The following SPAG16 variants were observed in gnomAD, a reference collection of about 807,000 sequenced individuals.
The protein encoded by SPAG16 is sperm associated antigen 16.
In SPAG16, 86 loss-of-function variants were observed where a neutral mutation model predicts 80.4. The ratio of observed to expected loss-of-function variants is 1.07; its 90% CI spans 0.90 to 1.28. SPAG16 has a LOEUF of 1.28. Among genes scored for constraint, SPAG16 ranks in the 50% most tolerant of loss-of-function variants. The probability of loss-of-function intolerance (pLI) is 0.00; values close to 1 mark genes in which losing one functional copy is unlikely to be tolerated. For missense variants in SPAG16, 870 were observed against 765.3 expected, an observed-to-expected ratio of 1.14 and a Z score of -1.61; for synonymous variants, 294 against 265.9, an observed-to-expected ratio of 1.11 and a Z score of -1.03.
intron 9 of SPAG16, among the ~76,000 whole-genome samples, chr2:213,484,999 CT>C (rs555509262): frequency 9.6e-4 from 139 of 144,940 alleles, no homozygotes; most frequent in Admixed American, 1.4e-3. Flanking sequence ...TTTTTCTTTT[CT>C]TTTTTTTTTT....
intron 10 of SPAG16, among the ~76,000 whole-genome samples, chr2:213,572,933 T>G (rs961333928): frequency 2.6e-5 from 4 of 152,196 alleles, no homozygotes; most frequent in Non-Finnish European, 5.9e-5. Context: ...TGGGATGTAA[T>G]CTCATGGTTC....
At chr2:214,353,049 C>T (rs1698529070) in intron 15 of SPAG16, among the ~76,000 whole-genome samples, 3 of 152,010 alleles carry the variant, frequency 2.0e-5, no homozygotes, top group South Asian at 2.1e-4. Context: ...ACTTGCTGCC[C>T]TTTCTACTTG....
At chr2:213,553,656 G>T (rs557341057) in intron 10 of SPAG16, among the ~76,000 whole-genome samples, 1 of 152,060 alleles carries the variant, frequency 6.6e-6, no homozygotes, top group Admixed American at 6.6e-5. Flanking sequence ...GCTACTTCAC[G>T]AGTGACCATA....
At chr2:213,983,921 C>T (rs9283527) in intron 12 of SPAG16, among the ~76,000 whole-genome samples, 68,239 of 151,648 alleles carry the variant, frequency 0.45, 16,096 homozygotes, top group South Asian at 0.66. Context: ...GCATGCAAGT[C>T]ATTATAAATT....
intron 15 of SPAG16, among the ~76,000 whole-genome samples, chr2:214,316,031 A>C (rs1695670300): frequency 6.6e-6 from 1 of 152,132 alleles, no homozygotes; most frequent in Non-Finnish European, 1.5e-5. Context: ...ATGAAGGATT[A>C]ATAGAGAAGA....
intron 14 of SPAG16, among the ~76,000 whole-genome samples, chr2:214,134,520 G>A (rs952664175): frequency 1.3e-5 from 2 of 152,076 alleles, no homozygotes; most frequent in South Asian, 2.1e-4. Context: ...TGCCCGTTCC[G>A]TGAGGCTTGT....
chr2:213,377,114 C>G lies in SPAG16; in HGVS notation c.942+1995C>G, dbSNP rs955264241. Among the ~76,000 whole-genome samples the G allele has an allele frequency of 1.2e-4, 18 of 152,168 alleles. 1 individual carries two copies. Among genetic ancestry groups the G allele is most frequent in the African/African-American group, 3.9e-4 (16 of 41,452 alleles). On this transcript the variant is annotated intron_variant, in intron 9 of 15. Transcript: ENST00000331683. Reference sequence around the variant, plus strand: ...TGAAATATTCTTGTTCTACCTTACACTGAGTTGATATTTTGCTGGAATTAG... The same window carrying G: ...TGAAATATTCTTGTTCTACCTTACAGTGAGTTGATATTTTGCTGGAATTAG...
intron 10 of SPAG16, among the ~76,000 whole-genome samples, chr2:213,606,142 G>A (rs2161820): frequency 0.41 from 62,142 of 151,988 alleles, 13,241 homozygotes; most frequent in Middle Eastern, 0.51. Flanking sequence ...GGGTGTTAGT[G>A]ATTTATTCCT....
intron 13 of SPAG16, among the ~76,000 whole-genome samples, chr2:214,107,852 C>T (rs1327886425): frequency 1.3e-5 from 2 of 152,146 alleles, no homozygotes. Flanking sequence ...AAAATAACAG[C>T]TTTCTAATAA....
chr2:213,833,407 GTGTA>G (rs1230215047), intron 10 of SPAG16, among the ~76,000 whole-genome samples: 4 of 94,230 alleles, frequency 4.2e-5, no homozygotes, highest in African/African-American at 1.7e-4. Context: ...GTGAATGTGT[GTGTA>G]TGTATGTATG....
At chr2:214,059,073 A>G (rs2050093395) in intron 13 of SPAG16, among the ~76,000 whole-genome samples, 1 of 151,360 alleles carries the variant, frequency 6.6e-6, no homozygotes, top group Non-Finnish European at 1.5e-5. Context: ...CTTGCTCGGG[A>G]GGCTGAGGCA....
At chr2:213,780,906 G>GTATACATTACCAC (rs1235701171) in intron 10 of SPAG16, among the ~76,000 whole-genome samples, 1 of 152,022 alleles carries the variant, frequency 6.6e-6, no homozygotes, top group Non-Finnish European at 1.5e-5. Context: ...ATTTCTAATA[G>GTATACATTACCAC]TATACATTAC....
chr2:213,616,905 T>C (rs2061614619), intron 10 of SPAG16, among the ~76,000 whole-genome samples: 1 of 151,994 alleles, frequency 6.6e-6, no homozygotes, highest in Non-Finnish European at 1.5e-5. Context: ...AGGAATGGAG[T>C]TACCTTGGGG....
At chr2:213,313,565 A>G (rs193176789) in intron 4 of SPAG16, among the ~76,000 whole-genome samples, 14 of 151,956 alleles carry the variant, frequency 9.2e-5, no homozygotes, top group Admixed American at 7.9e-4. Flanking sequence ...CCTAGGACAT[A>G]CTGATCTTAA....
At chr2:213,608,331 C>G (rs552943947) in intron 10 of SPAG16, among the ~76,000 whole-genome samples, 9 of 152,228 alleles carry the variant, frequency 5.9e-5, no homozygotes, top group African/African-American at 1.9e-4. Context: ...CTCCTCCCCC[C>G]ACCCCACAAC....
intron 13 of SPAG16, among the ~76,000 whole-genome samples, chr2:214,061,513 G>A (rs1031999706): frequency 6.6e-6 from 1 of 152,128 alleles, no homozygotes; most frequent in Non-Finnish European, 1.5e-5. Context: ...GGTTGATATT[G>A]CAGTTCAAGT....
At chr2:213,859,170 C>A (rs2075305728) in intron 10 of SPAG16, among the ~76,000 whole-genome samples, 1 of 75,218 alleles carries the variant, frequency 1.3e-5, no homozygotes, top group South Asian at 5.4e-4. Context: ...CAGAGCGACA[C>A]TCCGTCTCAA....
At chr2:213,990,726 G>T (rs2046237750) in intron 12 of SPAG16, among the ~76,000 whole-genome samples, 1 of 152,056 alleles carries the variant, frequency 6.6e-6, no homozygotes. Flanking sequence ...TCTTAGGGGT[G>T]GCTGAGGAGG....
At chr2:214,034,325 T>C (rs1391524221) in intron 13 of SPAG16, among the ~76,000 whole-genome samples, 1 of 152,242 alleles carries the variant, frequency 6.6e-6, no homozygotes, top group Non-Finnish European at 1.5e-5. Flanking sequence ...AAATATCTTA[T>C]TATTTTCACA....
Sources: allele counts gnomAD v4.1 joint callset (sites outside exome capture counted in the v4.1 genomes callset), GRCh38; gene constraint gnomAD v4.1.1; transcripts MANE v1.5; gene names NCBI Gene and HGNC (gene_info 2026-07-23, HGNC 2026-07-21).